The following KIAA1671 variants were observed in gnomAD, a reference collection of about 807,000 sequenced individuals.
The protein encoded by KIAA1671 is uncharacterized protein KIAA1671.
In KIAA1671, 52 loss-of-function variants were observed where a neutral mutation model predicts 131.2. The observed-to-expected ratio is 0.40, with a 90% CI of 0.32 to 0.50. The LOEUF is 0.50. Ranked by LOEUF, KIAA1671 falls within the 20% of genes least tolerant of loss-of-function variation. KIAA1671 has a pLI of 0.73. For missense variants in KIAA1671, 2,360 were observed against 2,364.2 expected (o/e 1.00, Z 0.04); for synonymous variants, 1,003 against 961.6 (o/e 1.04, Z -0.80).
At chr22:24,956,550 C>T (rs915900999) in intron 1 of KIAA1671, among the ~76,000 whole-genome samples, 1 of 152,140 alleles carries the variant, frequency 6.6e-6, no homozygotes, top group Non-Finnish European at 1.5e-5. Context: ...AAGGAGCCTT[C>T]CCGGAGGAGG....
chr22:24,964,959 C>T (rs1190355303), intron 1 of KIAA1671, among the ~76,000 whole-genome samples: 3 of 152,144 alleles, frequency 2.0e-5, no homozygotes, highest in Non-Finnish European at 4.4e-5. Context: ...CATGTTGATG[C>T]TGTGTGGCTT....
chr22:25,123,940 A>G (rs1206303861), intron 6 of KIAA1671, among the ~76,000 whole-genome samples: 2 of 152,218 alleles, frequency 1.3e-5, no homozygotes, highest in Non-Finnish European at 2.9e-5. Context: ...GCCAGGGAGT[A>G]TTATTTAATG....
intron 6 of KIAA1671, among the ~76,000 whole-genome samples, chr22:25,085,596 G>T (rs1036893614): frequency 9.9e-5 from 15 of 151,596 alleles, no homozygotes; most frequent in Non-Finnish European, 5.9e-5. Flanking sequence ...ACCATTGGGT[G>T]GGTCCTCATG....
chr22:24,961,166 G>A (rs1453588018), intron 1 of KIAA1671, among the ~76,000 whole-genome samples: 2 of 151,934 alleles, frequency 1.3e-5, no homozygotes, highest in African/African-American at 4.8e-5. Context: ...GCACCACCAC[G>A]CCTGGCTAAT....
intron 6 of KIAA1671, among the ~76,000 whole-genome samples, chr22:25,161,254 G>T (rs549718615): frequency 2.0e-5 from 3 of 152,364 alleles, no homozygotes; most frequent in Non-Finnish European, 4.4e-5. Flanking sequence ...TGCATGTGCT[G>T]GGAGGGACAC....
chr22:25,168,160 G>A (rs1305978445), intron 6 of KIAA1671, among the ~76,000 whole-genome samples: 1 of 152,106 alleles, frequency 6.6e-6, no homozygotes, highest in Admixed American at 6.6e-5. Context: ...GGAACAATCA[G>A]CCCACCTCCG....
In KIAA1671 at chr22:25,039,067, C is replaced by T; in HGVS notation, c.1937C>T (p.Ser646Leu). 6.4e-7 allele frequency: 1 copy of T among 1,551,708 alleles called. No individual in the cohort carries two copies. The highest frequency in any genetic ancestry group is 1.2e-5 in the South Asian group (1 of 84,070). Residue 646 changes from serine to leucine, a missense_variant, in exon 5 of 13, where the codon TCA becomes TTA. Ser to Leu is a moderately radical substitution (Grantham distance 145). Transcript: ENST00000358431. ...PPGDMAHARV[S>L]EPRPRPEMGS... ...GGTGACATGGCCCATGCCCGTGTCT[C>T]AGAACCCAGGCCGAGGCCTGAGATG...
intron 4 of KIAA1671, among the ~76,000 whole-genome samples, chr22:25,035,100 A>C (rs2145797711): frequency 7.0e-6 from 1 of 141,984 alleles, no homozygotes; most frequent in East Asian, 2.0e-4. Context: ...GGGATAGTAC[A>C]GTCACGTGAT....
At chr22:25,159,379 C>T (rs191750647) in intron 6 of KIAA1671, among the ~76,000 whole-genome samples, 1 of 152,254 alleles carries the variant, frequency 6.6e-6, no homozygotes, top group Admixed American at 6.5e-5. Context: ...TAGGACCTTC[C>T]CCGGGGTGCC....
At chr22:25,183,979 G>A (rs780634817) in intron 10 of KIAA1671, among the ~76,000 whole-genome samples, 2 of 152,246 alleles carry the variant, frequency 1.3e-5, no homozygotes, top group East Asian at 3.8e-4. Context: ...CCATGTGGAT[G>A]CACCGAGTAA....
intron 1 of KIAA1671, among the ~76,000 whole-genome samples, chr22:24,977,397 G>A (rs567460719): frequency 1.4e-4 from 22 of 152,316 alleles, no homozygotes; most frequent in African/African-American, 4.1e-4. Flanking sequence ...TTGATAAACC[G>A]GGCTGGAGGC....
chr22:25,053,222 GCTCT>G (rs1343345313), intron 6 of KIAA1671: 7 of 152,260 alleles, frequency 4.6e-5, no homozygotes, highest in Admixed American at 2.0e-4. Flanking sequence ...CTTGGCCAGT[GCTCT>G]CTGTTTCTCC....
chr22:25,090,240 G>T (rs1929958800), intron 6 of KIAA1671, among the ~76,000 whole-genome samples: 1 of 152,190 alleles, frequency 6.6e-6, no homozygotes, highest in Admixed American at 6.5e-5. Flanking sequence ...TATGCCGGTC[G>T]AGAGACCGTA....
intron 11 of KIAA1671, among the ~76,000 whole-genome samples, chr22:25,190,400 C>T (rs1934631522): frequency 6.6e-6 from 1 of 152,232 alleles, no homozygotes; most frequent in Non-Finnish European, 1.5e-5. Flanking sequence ...GCTTCGCTCA[C>T]TCGCCCACCA....
chr22:25,189,700 A>G (rs898239388), intron 11 of KIAA1671, among the ~76,000 whole-genome samples: 1 of 152,196 alleles, frequency 6.6e-6, no homozygotes, highest in Non-Finnish European at 1.5e-5. Flanking sequence ...CTGGATAGAG[A>G]GATGGAAGGA....
At position 25,032,479 on chromosome 22, in the gene KIAA1671, TCTC is replaced by T. The variant is rs1926349293; in HGVS notation, c.1542-127_1542-125del. ...AGGTAGGCTCTCCCCACTGGGCAGT[TCTC>T]CTTTTGGTAAGTGGAAAGGAAATGT... is the stretch of plus-strand genomic sequence containing the variant. On this transcript the variant is annotated intron_variant, in intron 3 of 12. Transcript: ENST00000358431. The T allele has an allele frequency of 1.6e-5, 9 of 549,556 alleles. No homozygotes were observed. In the Middle Eastern group the frequency reaches 1.3e-3, roughly 82 times the overall value. 34.0% of individuals were successfully genotyped at this position (549,556 alleles called of 1,614,324 possible).
intron 1 of KIAA1671, among the ~76,000 whole-genome samples, chr22:25,016,784 T>C (rs1029028461): frequency 4.6e-5 from 7 of 152,188 alleles, no homozygotes; most frequent in Non-Finnish European, 8.8e-5. Context: ...TGATGCACTT[T>C]AGGCCAGCCC....
At chr22:25,087,827 C>T (rs943181451) in intron 6 of KIAA1671, among the ~76,000 whole-genome samples, 6 of 152,138 alleles carry the variant, frequency 3.9e-5, no homozygotes, top group South Asian at 2.1e-4. Flanking sequence ...CCACTGCCCA[C>T]GGTCTGGAGG....
At chr22:25,113,136 T>G (rs577151287) in intron 6 of KIAA1671, among the ~76,000 whole-genome samples, 1 of 152,192 alleles carries the variant, frequency 6.6e-6, no homozygotes, top group Non-Finnish European at 1.5e-5. Flanking sequence ...AATCGTAAGG[T>G]CCTTCTGATG....
Sources: gnomAD v4.1 joint callset for allele counts (sites outside exome capture counted in the v4.1 genomes callset) on GRCh38, gnomAD v4.1.1 for gene constraint, MANE v1.5 for transcripts, NCBI Gene and HGNC (gene_info 2026-07-23, HGNC 2026-07-21) for gene names.